Variants in AKT3 observed in about 807,000 individuals in gnomAD.
The protein encoded by AKT3 is RAC-gamma serine/threonine-protein kinase.
In AKT3, 15 loss-of-function variants were observed where a neutral mutation model predicts 65.3. That is an observed-to-expected ratio of 0.23 (90% CI 0.15 to 0.35). AKT3 has a LOEUF of 0.35. Among genes scored for constraint, AKT3 ranks in the 10% least tolerant of loss-of-function variants. The pLI is 1.00. For synonymous variants in AKT3, 206 were observed against 183.8 expected, an observed-to-expected ratio of 1.12 and a Z score of -0.98; for missense variants, 243 against 576.5, an observed-to-expected ratio of 0.42 and a Z score of 5.92.
intron 2 of AKT3, among the ~76,000 whole-genome samples, chr1:243,762,984 A>C (rs1276572889): frequency 6.6e-6 from 1 of 152,050 alleles, no homozygotes; most frequent in African/African-American, 2.4e-5. Flanking sequence ...TTTTCTACTG[A>C]ATGAAAAATT....
chr1:243,529,705 G>C (rs1671395421), intron 12 of AKT3, among the ~76,000 whole-genome samples: 1 of 152,152 alleles, frequency 6.6e-6, no homozygotes, highest in African/African-American at 2.4e-5. Flanking sequence ...CTGCAGTATA[G>C]TTCAAAGTTG....
intron 3 of AKT3, among the ~76,000 whole-genome samples, chr1:243,683,092 T>C (rs556919058): frequency 2.3e-4 from 35 of 152,286 alleles, no homozygotes; most frequent in African/African-American, 7.7e-4. Flanking sequence ...GTTCACTCTG[T>C]TAGACATGGG....
chr1:243,787,396 A>T (rs564186225), intron 2 of AKT3, among the ~76,000 whole-genome samples: 1 of 152,290 alleles, frequency 6.6e-6, no homozygotes, highest in East Asian at 1.9e-4. Context: ...TTTTCCCAAA[A>T]GCTTTCTTTA....
rs1273499520 is a variant in AKT3, at chr1:243,504,432, GA to G, written c.*816del. On this transcript the variant is annotated 3_prime_UTR_variant, in exon 14 of 14. Transcript: ENST00000673466. The stretch of plus-strand genomic sequence containing the variant: ...ATCAGAGGTGATAAATGTCAAGAAG[GA>G]AAAAAGGTTTCCAAGCACAGGGGAA... 6 of 193,408 alleles carry G rather than the reference GA, an allele frequency of 3.1e-5. No individual in the cohort carries two copies. The highest frequency in any genetic ancestry group is 6.1e-5 in the Admixed American group (1 of 16,348). 12.0% of individuals were successfully genotyped at this position (193,408 alleles called of 1,614,324 possible). A position where few individuals can be genotyped will look rare whatever the true frequency, so the allele number is the denominator to read the frequency against.
At chr1:243,492,604 G>GTTTTTTTTT (rs74162289) in intron 13 of AKT3, among the ~76,000 whole-genome samples, 8 of 58,876 alleles carry the variant, frequency 1.4e-4, no homozygotes, top group African/African-American at 4.2e-4. Flanking sequence ...GCGCCCAGCT[G>GTTTTTTTTT]TTTTTTTTTT....
chr1:243,572,015 A>T (rs185614151), intron 9 of AKT3, among the ~76,000 whole-genome samples: 1 of 152,346 alleles, frequency 6.6e-6, no homozygotes, highest in East Asian at 1.9e-4. Flanking sequence ...ATAGTATTTG[A>T]TCAATAAGGC....
intron 2 of AKT3, among the ~76,000 whole-genome samples, chr1:243,711,925 G>A (rs559100828): frequency 6.6e-6 from 1 of 152,288 alleles, no homozygotes; most frequent in Non-Finnish European, 1.5e-5. Context: ...GGCTCTGAAA[G>A]AATCAGAAGT....
intron 12 of AKT3, among the ~76,000 whole-genome samples, chr1:243,526,561 A>C (rs1027290318): frequency 6.6e-6 from 1 of 152,168 alleles, no homozygotes; most frequent in Non-Finnish European, 1.5e-5. Context: ...GTCAACTGAC[A>C]TATTACAAAG....
chr1:243,730,930 CCT>C (rs1687520173), intron 2 of AKT3, among the ~76,000 whole-genome samples: 2 of 152,218 alleles, frequency 1.3e-5, no homozygotes, highest in Admixed American at 1.3e-4. Context: ...CTGGCCGGAC[CCT>C]GTGTTAGCTC....
intron 2 of AKT3, among the ~76,000 whole-genome samples, chr1:243,776,377 G>C (rs1483632134): frequency 6.6e-6 from 1 of 152,192 alleles, no homozygotes; most frequent in Admixed American, 6.5e-5. Flanking sequence ...TATTTGAAAT[G>C]AGGCCTTTGG....
At chr1:243,831,209 A>G (rs1311956086) in intron 2 of AKT3, among the ~76,000 whole-genome samples, 2 of 152,224 alleles carry the variant, frequency 1.3e-5, no homozygotes, top group African/African-American at 4.8e-5. Flanking sequence ...ACTGTATTTC[A>G]GAAGGAAAAT....
intron 7 of AKT3, among the ~76,000 whole-genome samples, chr1:243,614,597 G>A (rs966066173): frequency 6.6e-6 from 1 of 151,984 alleles, no homozygotes; most frequent in African/African-American, 2.4e-5. Context: ...AATGTATTTA[G>A]CATTCCCATA....
intron 12 of AKT3, among the ~76,000 whole-genome samples, chr1:243,538,837 A>G (rs571124817): frequency 5.3e-5 from 8 of 152,228 alleles, no homozygotes; most frequent in Middle Eastern, 3.4e-3. Context: ...CTCTTAAAAA[A>G]AAAAAGAAAA....
chr1:243,635,045 T>C (rs967382783), intron 6 of AKT3, among the ~76,000 whole-genome samples: 6 of 152,010 alleles, frequency 3.9e-5, no homozygotes, highest in African/African-American at 1.4e-4. Flanking sequence ...ATAGGGGACG[T>C]TCTCCAGGAT....
chr1:243,602,700 A>G (rs1022793458), intron 8 of AKT3, among the ~76,000 whole-genome samples: 1 of 152,190 alleles, frequency 6.6e-6, no homozygotes, highest in African/African-American at 2.4e-5. Context: ...AAAATCAAAT[A>G]CATGTTATCA....
At chr1:243,770,469 C>CGAAAAA (rs1690109347) in intron 2 of AKT3, among the ~76,000 whole-genome samples, 1 of 151,920 alleles carries the variant, frequency 6.6e-6, no homozygotes, top group Non-Finnish European at 1.5e-5. Context: ...TACTTTTTTT[C>CGAAAAA]AAGTAAAACT....
At chr1:243,702,665 T>C (rs1002658992) in intron 2 of AKT3, among the ~76,000 whole-genome samples, 31 of 152,186 alleles carry the variant, frequency 2.0e-4, no homozygotes, top group Admixed American at 7.2e-4. Flanking sequence ...TTTACATAAA[T>C]GAGGCAACGA....
chr1:243,494,573 C>T (rs1416088107), intron 13 of AKT3, among the ~76,000 whole-genome samples: 1 of 152,146 alleles, frequency 6.6e-6, no homozygotes. Flanking sequence ...TGACTGAGCG[C>T]CCCGTGTATA....
rs113503951 is a variant in AKT3, at chr1:243,677,978, C to T, written c.173-13095G>A. On this transcript the variant is annotated intron_variant, in intron 3 of 13. Coordinates refer to ENST00000673466, the MANE Select transcript of AKT3 (RefSeq NM_005465.7). Reference sequence around the variant, plus strand: ...TGGCGGGTGCCTGTAATCCCATCTGCTTGGGAGGCTGAGGCAGGAGAATTG... The same window carrying T: ...TGGCGGGTGCCTGTAATCCCATCTGTTTGGGAGGCTGAGGCAGGAGAATTG... Among the ~76,000 whole-genome samples, 393 of 152,074 alleles carry T rather than the reference C, an allele frequency of 2.6e-3. 4 individuals are homozygous for T. Among genetic ancestry groups the T allele is most frequent in the African/African-American group, 8.5e-3 (351 of 41,498 alleles).
Sources: allele counts gnomAD v4.1 joint callset (sites outside exome capture counted in the v4.1 genomes callset), GRCh38; gene constraint gnomAD v4.1.1; transcripts MANE v1.5; gene names NCBI Gene and HGNC (gene_info 2026-07-23, HGNC 2026-07-21).